ATP2A3: variants seen among roughly 807,000 people sequenced by gnomAD.
ATP2A3 encodes the protein ATPase sarcoplasmic/endoplasmic reticulum Ca2+ transporting 3.
In ATP2A3, 61 loss-of-function variants were observed where a neutral mutation model predicts 106.8. The observed-to-expected ratio is 0.57, with a 90% confidence interval of 0.46 to 0.71. The LOEUF (loss-of-function observed/expected upper bound fraction) is 0.71, where lower values mean the gene tolerates loss of function less well. Ranked by LOEUF, ATP2A3 falls within the 30% of genes least tolerant of loss-of-function variation. The pLI is 0.00. For missense variants in ATP2A3, 1,201 were observed against 1,423.5 expected, an observed-to-expected ratio of 0.84 and a Z score of 2.52; for synonymous variants, 611 against 609.3, an observed-to-expected ratio of 1.00 and a Z score of -0.04.
chr17:3,936,435 C>T lies in ATP2A3; in HGVS notation c.2356G>A (p.Ala786Thr), dbSNP rs1466588962. The change falls in exon 16 of 21, where the codon GCC becomes ACC. Residue 786 changes from alanine to threonine, a missense_variant. Physicochemically the swap from Ala to Thr is moderately conservative, Grantham distance 58. Around this residue, in one of 2 missense-constraint regions of ATP2A3, gnomAD observed 935 missense variants for 1,176.7 expected, o/e 0.79. Coordinates refer to ENST00000397041, the MANE Select transcript of ATP2A3 (RefSeq NM_005173.4). The surrounding 1 kb of genome is among the most constrained non-coding windows in gnomAD (Gnocchi z 5.4). Reference sequence around the variant, plus strand: ...CAGAGCAGCTGCACAGGGATCAGGGCTTCGGGCAGGCCCAGAATTGCCGTG... The same window carrying T: ...CAGAGCAGCTGCACAGGGATCAGGGTTTCGGGCAGGCCCAGAATTGCCGTG... Reference protein sequence around the residue: ...FLTAILGLPEALIPVQLLWVN... With the variant: ...FLTAILGLPETLIPVQLLWVN... 6 of 1,614,022 alleles carry T rather than the reference C, an allele frequency of 3.7e-6. No homozygotes were observed. Among genetic ancestry groups the T allele is most frequent in the Middle Eastern group, 3.3e-4 (2 of 6,080 alleles).
In ATP2A3 at chr17:3,947,835, G is replaced by A. The variant is rs762315819; in HGVS notation, c.651C>T (p.Gly217=). Residue 217 remains glycine, a synonymous_variant, in exon 8 of 21, where the codon GGC becomes GGT. Transcript: ENST00000397041. This position sits in a 1 kb window ranked among gnomAD's most constrained non-coding sequence, Gnocchi z 7.7. ...MLFSGTNITS[G]KAVGVAVATG... is the part of the protein sequence containing the mutation. ...TGGCCACGGCCACACCCACCGCTTT[G>A]CCCGATGTGATATTGGTGCCCTGGC... 6.3e-7 allele frequency: 1 copy of A among 1,598,858 alleles called. No individual in the cohort carries two copies.
rs1300646050 is a variant in ATP2A3 at position 3,929,121 on chromosome 17, C to G, written c.2862+207G>C. Among the ~76,000 whole-genome samples, 1 of 152,182 alleles carries G rather than the reference C, an allele frequency of 6.6e-6. No homozygotes were observed. The highest frequency in any genetic ancestry group is 1.5e-5 in the Non-Finnish European group (1 of 68,026). On this transcript the variant is annotated intron_variant, in intron 19 of 20. Coordinates refer to ENST00000397041, the MANE Select transcript of ATP2A3 (RefSeq NM_005173.4). This position sits in a 1 kb window ranked among gnomAD's most constrained non-coding sequence, Gnocchi z 4.3. ...CCCACCCCAGCCTGGGCACAGTCCC[C>G]TCAGCAAGGGGTTTCCCCCTCTTCC...
At chr17:3,927,565 C>T (rs2052776980) in intron 20 of ATP2A3, 3 of 985,284 alleles carry the variant, frequency 3.0e-6, no homozygotes, top group African/African-American at 1.7e-5. Context: ...GCCTTGGGCC[C>T]CCATGGATGG....
chr17:3,962,781 C>T (rs139207295), intron 1 of ATP2A3, among the ~76,000 whole-genome samples: 208 of 152,360 alleles, frequency 1.4e-3, no homozygotes, highest in Admixed American at 3.3e-3. Context: ...AGGCCAAGGG[C>T]TGCGTCTCCA....
At position 3,947,315 on chromosome 17, in the gene ATP2A3, A is replaced by T; in HGVS notation, c.1095+76T>A. On this transcript the variant is annotated intron_variant, in intron 8 of 20. Transcript: ENST00000397041. The surrounding 1 kb of genome is among the most constrained non-coding windows in gnomAD (Gnocchi z 7.7). ...TCTCCTCCATCCCTCACTGAAAAGGAGGTGGGGGAGAGACCCAGAGAGGGA... is the reference window on the plus strand; with the variant it reads ...TCTCCTCCATCCCTCACTGAAAAGGTGGTGGGGGAGAGACCCAGAGAGGGA... The T allele has an allele frequency of 6.6e-7, 1 of 1,524,284 alleles. No individual in the cohort carries two copies. Among genetic ancestry groups the T allele is most frequent in the Non-Finnish European group, 9.1e-7 (1 of 1,104,064 alleles). The allele number at this position is 1,524,284 out of a possible 1,614,324, so 94.4% of individuals were successfully genotyped here. A position where few individuals can be genotyped will look rare whatever the true frequency, so the allele number is the denominator to read the frequency against.
intron 1 of ATP2A3, among the ~76,000 whole-genome samples, chr17:3,954,998 G>T (rs980244883): frequency 6.6e-6 from 1 of 152,204 alleles, no homozygotes; most frequent in Non-Finnish European, 1.5e-5. Context: ...GAGTGAGTGG[G>T]TCTGTGTGGG....
In ATP2A3 at chr17:3,937,439, G is replaced by A. The variant is rs1434325072; in HGVS notation, c.2298C>T (p.Ser766=). Residue 766 remains serine (S), a synonymous_variant, in exon 15 of 21, where the codon TCC becomes TCT. Coordinates refer to ENST00000397041, the MANE Select transcript of ATP2A3 (RefSeq NM_005173.4). ...NMKQFIRYLI[S]SNVGEVVCIF... Reference sequence around the variant, plus strand: ...ACCAGACGACCTCGCCAACATTGGAGGAGATGAGGTAGCGGATGAATTGCT... The same window carrying A: ...ACCAGACGACCTCGCCAACATTGGAAGAGATGAGGTAGCGGATGAATTGCT... 2 of 1,612,874 alleles carry A rather than the reference G, an allele frequency of 1.2e-6. No homozygotes were observed. Among genetic ancestry groups the A allele is most frequent in the African/African-American group, 1.3e-5 (1 of 75,032 alleles).
At chr17:3,951,546 G>GCCCCCCCCCCCGTGCCCC in intron 4 of ATP2A3, 35 bp downstream of exon 4, 1 of 1,319,570 alleles carries the variant, frequency 7.6e-7, no homozygotes, top group Non-Finnish European at 1.0e-6. Context: ...CTGGGAGACC[G>GCCCCCCCCCCCGTGCCCC]CCCCCCGCCC....
intron 14 of ATP2A3, among the ~76,000 whole-genome samples, chr17:3,940,338 G>A (rs2053689873): frequency 6.6e-6 from 1 of 152,048 alleles, no homozygotes; most frequent in African/African-American, 2.4e-5. Flanking sequence ...TAGGTGAGGG[G>A]GAAGTATGCC....
rs1268813902 is a variant in ATP2A3 at position 3,944,789 on chromosome 17, G to C, written c.1202C>G (p.Pro401Arg). 6.2e-7 allele frequency: 1 copy of C among 1,611,644 alleles called. No homozygotes were observed. Among genetic ancestry groups the C allele is most frequent in the South Asian group, 1.1e-5 (1 of 90,884 alleles). The change falls in exon 10 of 21, where the codon CCT becomes CGT. Residue 401 changes from proline (P) to arginine (R), a missense_variant. This residue lies in a region of ATP2A3 where 935 missense variants were observed against 1,176.7 expected (regional missense o/e 0.79). Coordinates refer to ENST00000397041, the MANE Select transcript of ATP2A3 (RefSeq NM_005173.4). ...PEGEVRQGDQ[P>R]VRCGQFDGLV... ...CCCGTCGAACTGGCCGCAGCGCACAGGCTGATCCCCCTGCCGCCTGCGGAG... is the reference window on the plus strand; with the variant it reads ...CCCGTCGAACTGGCCGCAGCGCACACGCTGATCCCCCTGCCGCCTGCGGAG...
At chr17:3,944,307 G>A (rs2053958826) in intron 10 of ATP2A3, among the ~76,000 whole-genome samples, 1 of 152,230 alleles carries the variant, frequency 6.6e-6, no homozygotes, top group Non-Finnish European at 1.5e-5. Flanking sequence ...CCTTTGGGCA[G>A]ACGCCTGCTG....
Position 3,923,885 on chromosome 17 carries a change from C to T in ATP2A3, c.*1537G>A, listed in dbSNP as rs115103437. On this transcript the variant is annotated 3_prime_UTR_variant, in exon 21 of 21. Coordinates refer to ENST00000397041, the MANE Select transcript of ATP2A3 (RefSeq NM_005173.4). ...TGAGGATCCTCCGTTCCCCCAGTCA[C>T]ACAACCTTTATTTCTCTACCAAACA... 0.022 allele frequency: 3,400 copies of T among 152,420 alleles called. 127 individuals carry two copies. Among genetic ancestry groups the T allele is most frequent in the African/African-American group, 0.078 (3,253 of 41,552 alleles). The allele number at this position is 152,420 out of a possible 1,614,324, so 9.4% of individuals were successfully genotyped here.
chr17:3,931,800 C>T (rs1050869374), intron 17 of ATP2A3, among the ~76,000 whole-genome samples: 3 of 152,176 alleles, frequency 2.0e-5, no homozygotes, highest in African/African-American at 2.4e-5. Context: ...GGATTACAGG[C>T]GTGAGCCACC....
intron 1 of ATP2A3, among the ~76,000 whole-genome samples, chr17:3,961,086 C>T (rs1424362438): frequency 1.3e-5 from 2 of 152,180 alleles, no homozygotes; most frequent in African/African-American, 4.8e-5. Flanking sequence ...GAGCACTTAT[C>T]CTCCTCCTGC....
chr17:3,924,638 A>G lies in ATP2A3; in HGVS notation c.*784T>C, dbSNP rs1393310238. On this transcript the variant is annotated 3_prime_UTR_variant, in exon 21 of 21. Coordinates refer to ENST00000397041, the MANE Select transcript of ATP2A3 (RefSeq NM_005173.4). The surrounding 1 kb of genome is among the most constrained non-coding windows in gnomAD (Gnocchi z 6.4). ...AGACCGGGCGGCAGTGTGACTCTGA[A>G]CATCTCCCGAGCTCAGGACGGGGAA... The G allele has an allele frequency of 8.2e-6, 3 of 365,094 alleles. No homozygotes were observed. Among genetic ancestry groups the G allele is most frequent in the Non-Finnish European group, 1.7e-5 (3 of 181,340 alleles). The allele number at this position is 365,094 out of a possible 1,614,324, so 22.6% of individuals were successfully genotyped here.
Position 3,945,030 on chromosome 17 carries a change from C to T in ATP2A3, c.1184+30G>A, listed in dbSNP as rs548644852. On this transcript the variant is annotated intron_variant, in intron 9 of 20. Coordinates refer to ENST00000397041, the MANE Select transcript of ATP2A3 (RefSeq NM_005173.4). ...CGCGTGGCCCCGCCCCCAGGCCGCCCGCCCGCGCGTCCCCTGGCCCCGCAC... is the reference window on the plus strand; with the variant it reads ...CGCGTGGCCCCGCCCCCAGGCCGCCTGCCCGCGCGTCCCCTGGCCCCGCAC... The T allele has an allele frequency of 4.7e-6, 7 of 1,481,422 alleles. No homozygotes were observed. In the South Asian group the frequency reaches 8.8e-5, roughly 19 times the overall value. 91.8% of individuals were successfully genotyped at this position (1,481,422 alleles called of 1,614,324 possible).
At chr17:3,935,893 G>A (rs947006351) in intron 16 of ATP2A3, among the ~76,000 whole-genome samples, 1 of 152,106 alleles carries the variant, frequency 6.6e-6, no homozygotes. Flanking sequence ...CCACAATGCT[G>A]GGGTTACAAG....
chr17:3,927,747 A>G lies in ATP2A3; in HGVS notation c.2980+916T>C, dbSNP rs182722388. ...AGTGAGCCCCTACATGTGTCTGGCCACTCCCTGGACAGGCCAGCTCCCTTG... is the reference window on the plus strand; with the variant it reads ...AGTGAGCCCCTACATGTGTCTGGCCGCTCCCTGGACAGGCCAGCTCCCTTG... On this transcript the variant is annotated intron_variant, in intron 20 of 20. Transcript: ENST00000397041. The G allele has an allele frequency of 3.1e-6, 3 of 968,728 alleles. No individual in the cohort carries two copies. The African/African-American group carries it at 5.9e-5, about 19-fold the overall frequency. 60.0% of individuals were successfully genotyped at this position (968,728 alleles called of 1,614,324 possible).
At chr17:3,960,509 A>G (rs980145980) in intron 1 of ATP2A3, among the ~76,000 whole-genome samples, 3 of 152,246 alleles carry the variant, frequency 2.0e-5, no homozygotes, top group Admixed American at 1.3e-4. Context: ...CCCGACTCTC[A>G]GGTCACTGGG....
Sources: gnomAD v4.1 joint callset for allele counts (sites outside exome capture counted in the v4.1 genomes callset) on GRCh38, gnomAD v4.1.1 for gene constraint, gnomAD v4.1.1 regional missense constraint, Gnocchi (gnomAD v3.1) non-coding constraint, MANE v1.5 for transcripts, NCBI Gene and HGNC (gene_info 2026-07-23, HGNC 2026-07-21) for gene names.